CTIF: variants seen among roughly 807,000 people sequenced by gnomAD.
CTIF encodes the protein CBP80/20-dependent translation initiation factor.
A neutral mutation model predicts 66.0 loss-of-function variants in CTIF; 21 were observed. That is an observed-to-expected ratio of 0.32 (90% CI 0.23 to 0.46). CTIF has a LOEUF of 0.46. Ranked by LOEUF, CTIF falls within the 20% of genes least tolerant of loss-of-function variation. The pLI is 1.00. For synonymous variants in CTIF, 345 were observed against 326.4 expected (o/e 1.06, Z -0.62); for missense variants, 739 against 812.7 (o/e 0.91, Z 1.10).
At chr18:48,687,656 T>C (rs1331542727) in intron 6 of CTIF, among the ~76,000 whole-genome samples, 1 of 152,192 alleles carries the variant, frequency 6.6e-6, no homozygotes, top group Non-Finnish European at 1.5e-5. Flanking sequence ...GAGACAGCAC[T>C]GGTACGCTGT....
intron 1 of CTIF, among the ~76,000 whole-genome samples, chr18:48,610,694 G>A (rs964762451): frequency 1.3e-5 from 2 of 152,196 alleles, no homozygotes; most frequent in East Asian, 1.9e-4. Context: ...CTTGCCTTCC[G>A]GCCAGCCATG....
At chr18:48,823,639 C>G (rs1458157625) in intron 10 of CTIF, among the ~76,000 whole-genome samples, 1 of 152,174 alleles carries the variant, frequency 6.6e-6, no homozygotes, top group Non-Finnish European at 1.5e-5. Flanking sequence ...ATTGCTTTGG[C>G]TATTTGGGCT....
intron 7 of CTIF, among the ~76,000 whole-genome samples, chr18:48,712,708 C>G (rs955914110): frequency 1.3e-5 from 2 of 152,230 alleles, no homozygotes; most frequent in Non-Finnish European, 2.9e-5. Context: ...GCTCAGAACC[C>G]TAGCGGCGCC....
chr18:48,571,516 A>G, intron 1 of CTIF, among the ~76,000 whole-genome samples: 1 of 152,198 alleles, frequency 6.6e-6, no homozygotes, highest in African/African-American at 2.4e-5. Flanking sequence ...CATGACAAGG[A>G]ATATATTCTT....
chr18:48,756,533 G>A (rs531233220), intron 7 of CTIF, among the ~76,000 whole-genome samples: 9 of 152,294 alleles, frequency 5.9e-5, no homozygotes, highest in South Asian at 2.1e-4. Context: ...GATAGGTCAC[G>A]GAGGAGGTGC....
chr18:48,629,448 G>A (rs1402036940), intron 2 of CTIF, among the ~76,000 whole-genome samples: 1 of 151,786 alleles, frequency 6.6e-6, no homozygotes, highest in East Asian at 1.9e-4. Context: ...ACATATAATT[G>A]TATGTAAAAC....
At chr18:48,710,439 C>A (rs2092211460) in intron 6 of CTIF, among the ~76,000 whole-genome samples, 1 of 152,212 alleles carries the variant, frequency 6.6e-6, no homozygotes, top group Admixed American at 6.5e-5. Context: ...CACTCCCTCC[C>A]ACTTGACTCC....
intron 2 of CTIF, among the ~76,000 whole-genome samples, chr18:48,622,905 A>C (rs2090522263): frequency 6.6e-6 from 1 of 152,180 alleles, no homozygotes; most frequent in African/African-American, 2.4e-5. Flanking sequence ...GCATCCTCCA[A>C]AGGTTCCTCC....
chr18:48,768,597 A>G (rs1304580392), intron 9 of CTIF, among the ~76,000 whole-genome samples: 1 of 152,224 alleles, frequency 6.6e-6, no homozygotes. Context: ...GTAAGGCTCA[A>G]AAACTTGGGA....
intron 9 of CTIF, among the ~76,000 whole-genome samples, chr18:48,778,111 G>A (rs1411769957): frequency 6.6e-6 from 1 of 152,080 alleles, no homozygotes; most frequent in African/African-American, 2.4e-5. Flanking sequence ...CACCCGTTAG[G>A]ATGTTCCTAA....
chr18:48,833,683 G>A (rs2068744722), intron 10 of CTIF, among the ~76,000 whole-genome samples: 1 of 152,168 alleles, frequency 6.6e-6, no homozygotes, highest in African/African-American at 2.4e-5. Flanking sequence ...TTGGGATTTG[G>A]GAGGGGTAGG....
intron 6 of CTIF, among the ~76,000 whole-genome samples, chr18:48,704,848 C>A (rs1598899987): frequency 6.6e-6 from 1 of 152,206 alleles, no homozygotes; most frequent in East Asian, 1.9e-4. Context: ...ACACTTCAAC[C>A]CATGACATCA....
intron 7 of CTIF, among the ~76,000 whole-genome samples, chr18:48,740,809 TA>T (rs914473065): frequency 6.6e-6 from 1 of 152,224 alleles, no homozygotes; most frequent in Admixed American, 6.5e-5. Context: ...TTAAAACCAT[TA>T]AAAAAATTCC....
At chr18:48,841,411 C>T (rs575955044) in intron 10 of CTIF, among the ~76,000 whole-genome samples, 6 of 152,302 alleles carry the variant, frequency 3.9e-5, no homozygotes, top group South Asian at 4.1e-4. Flanking sequence ...GCAGCGCCCT[C>T]GTGGCCCCGG....
At chr18:48,756,198 G>A (rs767596964) in intron 7 of CTIF, 1 of 152,144 alleles carries the variant, frequency 6.6e-6, no homozygotes, top group Non-Finnish European at 1.5e-5. Flanking sequence ...CCACTCCAGC[G>A]GAGGCCCAAT....
chr18:48,837,317 G>A (rs1183338954), intron 10 of CTIF, among the ~76,000 whole-genome samples: 3 of 152,114 alleles, frequency 2.0e-5, no homozygotes, highest in Non-Finnish European at 4.4e-5. Context: ...GCTGTCTAAG[G>A]CCCATCAAGC....
chr18:48,545,227 TC>T (rs1299760841), intron 1 of CTIF, among the ~76,000 whole-genome samples: 1 of 152,180 alleles, frequency 6.6e-6, no homozygotes, highest in African/African-American at 2.4e-5. Flanking sequence ...CAGACAGCGC[TC>T]AGAGTGGAGG....
chr18:48,636,932 A>G (rs917701261), intron 3 of CTIF, among the ~76,000 whole-genome samples: 8 of 152,188 alleles, frequency 5.3e-5, no homozygotes, highest in Non-Finnish European at 1.2e-4. Flanking sequence ...ATATTAACAC[A>G]TATCTGGAAG....
chr18:48,728,567 A>C (rs1449173876), intron 7 of CTIF, among the ~76,000 whole-genome samples: 1 of 152,176 alleles, frequency 6.6e-6, no homozygotes, highest in Non-Finnish European at 1.5e-5. Context: ...GTCATCTGAC[A>C]CTTGACTCAG....
Sources: gnomAD v4.1 joint callset for allele counts (sites outside exome capture counted in the v4.1 genomes callset) on GRCh38, gnomAD v4.1.1 for gene constraint, MANE v1.5 for transcripts, NCBI Gene and HGNC (gene_info 2026-07-23, HGNC 2026-07-21) for gene names.